Variants in GDAP1 observed in about 807,000 individuals in gnomAD.
GDAP1 encodes ganglioside induced differentiation associated protein 1.
GDAP1 carries 34 observed loss-of-function variants against 40.1 expected under a neutral mutation model. The observed-to-expected ratio is 0.85, with a 90% confidence interval of 0.64 to 1.13. The LOEUF (loss-of-function observed/expected upper bound fraction) is 1.13, where lower values mean the gene tolerates loss of function less well. Ranked by LOEUF, GDAP1 falls within the 50% of genes most tolerant of loss-of-function variation. GDAP1 has a pLI of 0.00. For synonymous variants in GDAP1, 170 were observed against 157.4 expected (o/e 1.08, Z -0.60); for missense variants, 374 against 433.7 (o/e 0.86, Z 1.22).
chr8:74,463,336 T>G (rs1403623646), intron 2 of GDAP1, among the ~76,000 whole-genome samples: 1 of 150,144 alleles, frequency 6.7e-6, no homozygotes, highest in African/African-American at 2.5e-5. Flanking sequence ...TGTGCACTTG[T>G]GGTCCCAGCT....
In GDAP1 at chr8:74,364,120, A is replaced by C. The variant is rs1809506011; in HGVS notation, c.830A>C (p.Glu277Ala). The C allele has an allele frequency of 6.2e-7, 1 of 1,614,102 alleles. No homozygotes were observed. The highest frequency in any genetic ancestry group is 1.1e-5 in the South Asian group (1 of 91,090). The change falls in exon 6 of 6, where the codon GAA becomes GCA. Residue 277 changes from glutamate (E) to alanine (A), a missense_variant. Coordinates refer to ENST00000220822, the MANE Select transcript of GDAP1 (RefSeq NM_018972.4). ...GGAAACGGAAAGCGACCAAACTTGG[A>C]AACCTATTACGAGCGTGTCTTGAAG... ...NWGNGKRPNLETYYERVLKRK... is the reference protein window; with the variant it reads ...NWGNGKRPNLATYYERVLKRK...
At chr8:74,422,952 G>A (rs901289617) in intron 2 of GDAP1, among the ~76,000 whole-genome samples, 3 of 150,592 alleles carry the variant, frequency 2.0e-5, no homozygotes, top group Non-Finnish European at 4.4e-5. Context: ...CATCACTAAT[G>A]ATAACATCAT....
chr8:74,393,741 T>G (rs529935350), intron 2 of GDAP1, among the ~76,000 whole-genome samples: 3 of 152,298 alleles, frequency 2.0e-5, no homozygotes, highest in African/African-American at 7.2e-5. Context: ...TGAAAAAAAC[T>G]ATTGTAAACC....
Position 74,404,396 on chromosome 8 carries a change from C to G in GDAP1, c.165+53075C>G, listed in dbSNP as rs535956819. Among the ~76,000 whole-genome samples, 5 of 149,068 alleles carry G rather than the reference C, an allele frequency of 3.4e-5. No individual in the cohort carries two copies. The South Asian group carries it at 1.0e-3, about 31-fold the overall frequency. Reference sequence around the variant, plus strand: ...CATTTTCTAGATGATTACTATGTGCCGGGCCATTTATATGAATTAACAGAA... The same window carrying G: ...CATTTTCTAGATGATTACTATGTGCGGGGCCATTTATATGAATTAACAGAA... On this transcript the variant is annotated intron_variant, in intron 2 of 2. Coordinates refer to the GDAP1 transcript ENST00000523640.
chr8:74,398,685 T>C (rs569377772), intron 2 of GDAP1, among the ~76,000 whole-genome samples: 75 of 152,234 alleles, frequency 4.9e-4, no homozygotes, highest in Non-Finnish European at 6.6e-4. Context: ...GGCTGTGGGT[T>C]TGTCATAGAT....
chr8:74,351,545 CCT>C, intron 2 of GDAP1, 79 bp downstream of exon 2: 5 of 1,039,484 alleles, frequency 4.8e-6, no homozygotes, highest in East Asian at 2.4e-5. Context: ...TTCTCTCTCT[CCT>C]CTCTCTCTTT....
At chr8:74,351,196 G>T (rs1018826305) in intron 1 of GDAP1, 78 bp from the exon 2 acceptor site, 24 of 1,159,760 alleles carry the variant, frequency 2.1e-5, no homozygotes, top group Admixed American at 2.0e-4. Context: ...AGCCCAGAAA[G>T]GCTGCTTAGC....
rs1379014638 is a variant in GDAP1 at position 74,364,499 on chromosome 8, T to TA, written c.*133dup. 7 of 932,596 alleles carry TA rather than the reference T, an allele frequency of 7.5e-6. No homozygotes were observed. The East Asian group carries it at 1.7e-4, about 23-fold the overall frequency. 57.8% of individuals were successfully genotyped at this position (932,596 alleles called of 1,614,324 possible). On this transcript the variant is annotated 3_prime_UTR_variant, in exon 6 of 6. Transcript: ENST00000220822. ...CCTAAAATTCAGAAGTCATCTTTGT[T>TA]ACACAACACAGGGGTTCAGGTAGCA...
chr8:74,413,199 T>G (rs1372622814), intron 2 of GDAP1, among the ~76,000 whole-genome samples: 1 of 149,330 alleles, frequency 6.7e-6, no homozygotes, highest in East Asian at 1.9e-4. Flanking sequence ...TAAGCATGCT[T>G]CCCCTGTTTC....
At chr8:74,399,175 G>T (rs1425468764) in intron 2 of GDAP1, among the ~76,000 whole-genome samples, 1 of 151,814 alleles carries the variant, frequency 6.6e-6, no homozygotes, top group Non-Finnish European at 1.5e-5. Context: ...AATCCATCTG[G>T]TCCTGGACTC....
chr8:74,477,445 G>C (rs1054088006), intron 2 of GDAP1, among the ~76,000 whole-genome samples: 7 of 151,650 alleles, frequency 4.6e-5, no homozygotes, highest in Admixed American at 1.3e-4. Context: ...AATCTTTGAA[G>C]TTGCTGTCCT....
intron 2 of GDAP1, among the ~76,000 whole-genome samples, chr8:74,454,010 G>A (rs1181781484): frequency 1.2e-5 from 1 of 80,914 alleles, no homozygotes; most frequent in Admixed American, 1.3e-4. Context: ...ATTCATTTTA[G>A]AGCCAAACCT....
chr8:74,350,412 A>G lies in GDAP1; in HGVS notation c.-50A>G, dbSNP rs1359302212. The G allele has an allele frequency of 3.5e-6, 4 of 1,148,018 alleles. No individual in the cohort carries two copies. In the East Asian group the frequency reaches 9.3e-5, roughly 27 times the overall value. 71.1% of individuals were successfully genotyped at this position (1,148,018 alleles called of 1,614,324 possible). ...CGCCTTGCGGGGCAGTGTGGGAGGG[A>G]GAAGTCCAGGGCGGACAGGCTGGGC... On this transcript the variant is annotated 5_prime_UTR_variant, in exon 1 of 6. Transcript: ENST00000220822.
At chr8:74,422,284 CT>C (rs1307896506) in intron 2 of GDAP1, among the ~76,000 whole-genome samples, 10 of 88,102 alleles carry the variant, frequency 1.1e-4, no homozygotes, top group South Asian at 4.2e-4. Context: ...TTTCTTTTTT[CT>C]TTTCTTTCTT....
intron 2 of GDAP1, among the ~76,000 whole-genome samples, chr8:74,470,235 C>T (rs998480354): frequency 2.0e-5 from 3 of 151,706 alleles, no homozygotes; most frequent in Non-Finnish European, 4.4e-5. Flanking sequence ...TCCTCTGTTT[C>T]CTCTCTCCTT....
At chr8:74,377,016 A>G (rs1809865912) in intron 2 of GDAP1, among the ~76,000 whole-genome samples, 1 of 152,188 alleles carries the variant, frequency 6.6e-6, no homozygotes, top group Admixed American at 6.5e-5. Context: ...CATTAAAAAC[A>G]TATACCTCAA....
At chr8:74,475,444 A>T (rs1263657406) in intron 2 of GDAP1, among the ~76,000 whole-genome samples, 1 of 150,988 alleles carries the variant, frequency 6.6e-6, no homozygotes, top group Non-Finnish European at 1.5e-5. Context: ...TCCTTTTAAC[A>T]CTTCCTTAGC....
Position 74,366,854 on chromosome 8 carries a change from A to G in GDAP1, c.*2487A>G, listed in dbSNP as rs1056094325. 3 of 438,354 alleles carry G rather than the reference A, an allele frequency of 6.8e-6. No homozygotes were observed. Among genetic ancestry groups the G allele is most frequent in the Non-Finnish European group, 1.4e-5 (3 of 222,020 alleles). The allele number at this position is 438,354 out of a possible 1,614,324, so 27.2% of individuals were successfully genotyped here. A position where few individuals can be genotyped will look rare whatever the true frequency, so the allele number is the denominator to read the frequency against. The stretch of plus-strand genomic sequence containing the variant: ...TAAGATCAATAAAAGTAATTGGAAA[A>G]TAAATATGAACCCTAAAACAAAGTA... On this transcript the variant is annotated 3_prime_UTR_variant, in exon 6 of 6. Transcript: ENST00000220822.
rs200576675 is a variant in GDAP1 at position 74,350,603 on chromosome 8, G to T, written c.117+25G>T. ...GGTACAACAGGCCTTGGCGGCGGAG[G>T]GTGGCGCGGATCGGGCTTCAGCACT... On this transcript the variant is annotated intron_variant, in intron 1 of 5. Coordinates refer to ENST00000220822, the MANE Select transcript of GDAP1 (RefSeq NM_018972.4). 7.1e-6 allele frequency: 10 copies of T among 1,413,060 alleles called. No homozygotes were observed. The African/African-American group carries it at 1.1e-4, about 16-fold the overall frequency. 87.5% of individuals were successfully genotyped at this position (1,413,060 alleles called of 1,614,324 possible). A position where few individuals can be genotyped will look rare whatever the true frequency, so the allele number is the denominator to read the frequency against.
Sources: allele counts gnomAD v4.1 joint callset (sites outside exome capture counted in the v4.1 genomes callset), GRCh38; gene constraint gnomAD v4.1.1; transcripts MANE v1.5; gene names NCBI Gene and HGNC (gene_info 2026-07-23, HGNC 2026-07-21).